The following PTPRA variants were observed in gnomAD, a reference collection of about 807,000 sequenced individuals.
PTPRA encodes the protein protein tyrosine phosphatase receptor type A.
PTPRA carries 25 observed loss-of-function variants against 104.8 expected under a neutral mutation model. The observed-to-expected ratio is 0.24, with a 90% CI of 0.17 to 0.33. The LOEUF (loss-of-function observed/expected upper bound fraction) is 0.33, where lower values mean the gene tolerates loss of function less well. Among genes scored for constraint, PTPRA ranks in the 10% least tolerant of loss-of-function variants. PTPRA has a pLI of 1.00. For synonymous variants in PTPRA, 323 were observed against 368.9 expected (o/e 0.88, Z 1.43); for missense variants, 765 against 1,015.3 (o/e 0.75, Z 3.35).
At chr20:2,940,764 A>G (rs1249583604) in intron 2 of PTPRA, among the ~76,000 whole-genome samples, 1 of 152,198 alleles carries the variant, frequency 6.6e-6, no homozygotes, top group Non-Finnish European at 1.5e-5. Flanking sequence ...TCATTTGTTT[A>G]TATATTGTCT....
At position 3,007,317 on chromosome 20, in the gene PTPRA, C is replaced by G. The variant is rs768527526; in HGVS notation, c.830-27C>G. On this transcript the variant is annotated intron_variant, in intron 10 of 23. Coordinates refer to ENST00000399903, the MANE Select transcript of PTPRA (RefSeq NM_001385305.1). ...CTGTGAGAAATAAATTTTGATTTTA[C>G]TGAAATATTGTTGGTTTGTTTCCTA... 3.7e-6 allele frequency: 6 copies of G among 1,602,662 alleles called. No homozygotes were observed. In the South Asian group the frequency reaches 6.6e-5, roughly 18 times the overall value.
chr20:2,948,438 A>G (rs2061220456), intron 3 of PTPRA, among the ~76,000 whole-genome samples: 1 of 152,306 alleles, frequency 6.6e-6, no homozygotes, highest in Admixed American at 6.5e-5. Flanking sequence ...CAGTTCATCC[A>G]TTCTCTTCCC....
At chr20:2,885,212 GTTTT>G (rs1237832071) in intron 1 of PTPRA, among the ~76,000 whole-genome samples, 1 of 151,800 alleles carries the variant, frequency 6.6e-6, no homozygotes, top group Non-Finnish European at 1.5e-5. Flanking sequence ...AACACTTGTT[GTTTT>G]TTTTAACTGT....
the PTPRA span, chr20:2,864,562 G>A: frequency 6.2e-7 from 1 of 1,614,120 alleles, no homozygotes; most frequent in Non-Finnish European, 8.5e-7. The surrounding 1 kb of genome is among the most constrained non-coding windows in gnomAD (Gnocchi z 5.2). Flanking sequence ...TAAGCATCAG[G>A]AGCTAGAGAC....
rs182334269 is a variant in PTPRA, at chr20:2,990,437, G to T, written c.738+1963G>T. On this transcript the variant is annotated intron_variant, in intron 9 of 23. Transcript: ENST00000399903. ...TAGTCCAGATTACTCCTGGGTCAAG[G>T]CCAGGCATGCTAGCTCACACCTATA... Among the ~76,000 whole-genome samples, 283 of 152,266 alleles carry T rather than the reference G, an allele frequency of 1.9e-3. 2 individuals carry two copies. The highest frequency in any genetic ancestry group is 1.3e-4 in the Non-Finnish European group (9 of 68,032).
intron 5 of PTPRA, 131 bp downstream of exon 5, chr20:2,965,333 T>C (rs2147938080): frequency 2.2e-6 from 2 of 929,104 alleles, no homozygotes; most frequent in East Asian, 5.3e-5. Flanking sequence ...ATGAAACCTG[T>C]ATGTGGAATT....
intron 13 of PTPRA, 111 bp from the exon 14 acceptor site, chr20:3,021,198 G>A (rs1455892829): frequency 2.8e-6 from 4 of 1,451,150 alleles, no homozygotes; most frequent in African/African-American, 2.8e-5. Flanking sequence ...AGGTCAAAGG[G>A]CCTTCTGGGG....
intron 7 of PTPRA, among the ~76,000 whole-genome samples, chr20:2,987,665 G>A (rs2062964156): frequency 1.3e-5 from 2 of 152,144 alleles, no homozygotes. Flanking sequence ...GGTCTCCCAG[G>A]CTACACTGAG....
At chr20:2,869,716 A>G (rs2089405115), upstream of PTPRA, among the ~76,000 whole-genome samples, 1 of 152,258 alleles carries the variant, frequency 6.6e-6, no homozygotes, top group South Asian at 2.1e-4. Context: ...CTGTAATTCC[A>G]GCACTTTGGG....
intron 6 of PTPRA, among the ~76,000 whole-genome samples, chr20:2,975,567 C>A (rs2148029404): frequency 6.6e-6 from 1 of 152,308 alleles, no homozygotes; most frequent in Admixed American, 6.5e-5. Context: ...TTAGTTACTT[C>A]TGATTTCTAG....
chr20:2,891,911 T>TA (rs1367798375), intron 1 of PTPRA, among the ~76,000 whole-genome samples: 1 of 152,224 alleles, frequency 6.6e-6, no homozygotes, highest in Non-Finnish European at 1.5e-5. Flanking sequence ...AAATAGCTGT[T>TA]ATACTGTATT....
chr20:2,960,410 C>T lies in PTPRA; in HGVS notation c.-6-3862C>T, dbSNP rs898668882. The stretch of plus-strand genomic sequence containing the variant: ...GACTACAGGTGCCCGCCACCACATC[C>T]GGCTAATTTTTTGTATTTGTAGTAG... On this transcript the variant is annotated intron_variant, in intron 3 of 23. Transcript: ENST00000399903. Among the ~76,000 whole-genome samples, 14 of 152,038 alleles carry T rather than the reference C, an allele frequency of 9.2e-5. No homozygotes were observed. In the East Asian group the frequency reaches 2.3e-3, roughly 25 times the overall value.
the PTPRA span, chr20:2,866,727 A>C: frequency 1.0e-4 from 116 of 1,151,728 alleles, no homozygotes; most frequent in South Asian, 1.7e-3. Flanking sequence ...AAGTTGGAAC[A>C]CTTCACAGTG....
chr20:3,026,748 TGAA>T lies in PTPRA; in HGVS notation c.1683_1685del (p.Lys561del). 6.2e-7 allele frequency: 1 copy of T among 1,612,942 alleles called. No individual in the cohort carries two copies. Among genetic ancestry groups the T allele is most frequent in the Non-Finnish European group, 8.5e-7 (1 of 1,179,086 alleles). On this transcript the variant is annotated inframe_deletion, in exon 18 of 24. Transcript: ENST00000399903. ...CGGACTGGAAACCTTCCAGCCAACATGAAGAAGAACCGTGTTTTACAGATCATT... is the reference window on the plus strand; with the variant it reads ...CGGACTGGAAACCTTCCAGCCAACATGAAGAACCGTGTTTTACAGATCATT...
intron 3 of PTPRA, chr20:2,955,690 C>A: frequency 1.0e-6 from 1 of 983,172 alleles, no homozygotes; most frequent in Non-Finnish European, 1.2e-6. Context: ...ACTCCACCCT[C>A]CCCTGGTGGT....
chr20:3,005,075 T>C lies in PTPRA; in HGVS notation c.758T>C (p.Ile253Thr), dbSNP rs1218060611. The C allele has an allele frequency of 6.2e-7, 1 of 1,609,846 alleles. No homozygotes were observed. The highest frequency in any genetic ancestry group is 1.7e-5 in the Admixed American group (1 of 59,998). The change falls in exon 10 of 24, where the codon ATC becomes ACC. Residue 253 changes from isoleucine to threonine, a missense_variant. By Grantham distance (89) the Ile-to-Thr change is moderately conservative. Transcript: ENST00000399903. ...TTTCAGGCTCTCCCTGCATGTCCTA[T>C]CCAGGCCACCTGTGAGGCTGCTTCC... ...EEFNALPACP[I>T]QATCEAASKE...
chr20:2,917,183 C>T (rs1257364756), intron 1 of PTPRA, among the ~76,000 whole-genome samples: 1 of 152,006 alleles, frequency 6.6e-6, no homozygotes, highest in African/African-American at 2.4e-5. Context: ...TCTCGAACTC[C>T]TGACCCCCAA....
At chr20:3,023,573 G>GTGCA (rs1368045955) in intron 16 of PTPRA, among the ~76,000 whole-genome samples, 4 of 152,166 alleles carry the variant, frequency 2.6e-5, no homozygotes, top group African/African-American at 4.8e-5. Context: ...TCTGGCCTAC[G>GTGCA]TGCACATCAA....
intron 16 of PTPRA, 36 bp from the exon 17 acceptor site, chr20:3,024,436 A>T (rs1268092642): frequency 6.3e-7 from 1 of 1,597,130 alleles, no homozygotes; most frequent in Non-Finnish European, 8.6e-7. Flanking sequence ...ACTATGTTGT[A>T]TGTAACCAAG....
Sources: allele counts gnomAD v4.1 joint callset (sites outside exome capture counted in the v4.1 genomes callset), GRCh38; gene constraint gnomAD v4.1.1; non-coding constraint Gnocchi (gnomAD v3.1); transcripts MANE v1.5; gene names NCBI Gene and HGNC (gene_info 2026-07-23, HGNC 2026-07-21).